CNOT6: variants seen among roughly 807,000 people sequenced by gnomAD.
CNOT6 encodes the protein CCR4-NOT transcription complex subunit 6, also known as carbon catabolite repression 4 protein.
Under a neutral mutation model 61.2 loss-of-function variants are expected in CNOT6, and 12 were observed. The ratio of observed to expected loss-of-function variants is 0.20; its 90% confidence interval spans 0.13 to 0.32. CNOT6 has a LOEUF of 0.32. Among genes scored for constraint, CNOT6 ranks in the 10% least tolerant of loss-of-function variants. The pLI is 1.00. For synonymous variants in CNOT6, 225 were observed against 240.6 expected (o/e 0.94, Z 0.60); for missense variants, 405 against 663.9 (o/e 0.61, Z 4.28).
At chr5:180,517,789 G>A (rs1757709779) in intron 1 of CNOT6, among the ~76,000 whole-genome samples, 2 of 152,028 alleles carry the variant, frequency 1.3e-5, no homozygotes, top group South Asian at 4.2e-4. Flanking sequence ...TGATCCGCCC[G>A]CCTCGGCCTC....
intron 1 of CNOT6, among the ~76,000 whole-genome samples, chr5:180,518,991 C>A (rs996920577): frequency 6.6e-6 from 1 of 152,154 alleles, no homozygotes; most frequent in African/African-American, 2.4e-5. Flanking sequence ...GGATTACAGG[C>A]GTGAGCCATA....
At chr5:180,513,521 G>A (rs1172665432) in intron 1 of CNOT6, among the ~76,000 whole-genome samples, 1 of 150,380 alleles carries the variant, frequency 6.6e-6, no homozygotes, top group Non-Finnish European at 1.5e-5. Flanking sequence ...ATACAGTCGC[G>A]TGCCACCAGG....
intron 4 of CNOT6, among the ~76,000 whole-genome samples, chr5:180,554,853 T>TAGG (rs1759801150): frequency 6.6e-6 from 1 of 152,340 alleles, no homozygotes; most frequent in African/African-American, 2.4e-5. Flanking sequence ...AGACCCTCTT[T>TAGG]GTTCTTCCAG....
At chr5:180,542,341 C>T (rs1397580407) in intron 2 of CNOT6, among the ~76,000 whole-genome samples, 5 of 151,782 alleles carry the variant, frequency 3.3e-5, no homozygotes, top group Middle Eastern at 3.2e-3. Flanking sequence ...CTCGGCTCAC[C>T]GCAAGCTCTG....
At chr5:180,549,152 C>T (rs1431232358) in intron 2 of CNOT6, among the ~76,000 whole-genome samples, 8 of 152,150 alleles carry the variant, frequency 5.3e-5, no homozygotes, top group Admixed American at 5.2e-4. Context: ...CTAGGGTACT[C>T]AGTTCTTAAA....
chr5:180,542,229 T>C (rs1561650461), intron 2 of CNOT6, among the ~76,000 whole-genome samples: 1 of 149,398 alleles, frequency 6.7e-6, no homozygotes, highest in Non-Finnish European at 1.5e-5. Context: ...GAGGTTTTGC[T>C]GAGCTCGTCG....
intron 1 of CNOT6, among the ~76,000 whole-genome samples, chr5:180,522,056 G>A (rs1358916071): frequency 6.6e-6 from 1 of 152,190 alleles, no homozygotes; most frequent in African/African-American, 2.4e-5. Context: ...TATAGAACCA[G>A]TAATGGAATT....
chr5:180,501,985 A>C (rs750459985), intron 1 of CNOT6, among the ~76,000 whole-genome samples: 13 of 152,290 alleles, frequency 8.5e-5, no homozygotes, highest in Admixed American at 4.6e-4. Flanking sequence ...GATTGGGCGG[A>C]GGAGCAAATG....
chr5:180,522,289 T>A (rs1464342156), intron 1 of CNOT6, among the ~76,000 whole-genome samples: 2 of 152,098 alleles, frequency 1.3e-5, no homozygotes, highest in African/African-American at 2.4e-5. Flanking sequence ...TTTTGTATTT[T>A]TTTTTTGTAG....
chr5:180,569,222 C>T lies in CNOT6; in HGVS notation c.1140C>T (p.Leu380=), dbSNP rs376346658. The T allele has an allele frequency of 3.7e-4, 598 of 1,613,986 alleles. 2 individuals are homozygous for T. The highest frequency in any genetic ancestry group is 4.9e-4 in the Middle Eastern group (3 of 6,084). The change falls in exon 10 of 12, where the codon CTC becomes CTT. Residue 380 remains leucine (L), a synonymous_variant. Coordinates refer to ENST00000261951, the MANE Select transcript of CNOT6 (RefSeq NM_001370472.1). ...AGTTGGTACAAACTATGATGTTCCT[C>T]TCAGAAGTGAAGAACATTATTGATA... The part of the protein sequence containing the change: ...DVKLVQTMMF[L]SEVKNIIDKA...
chr5:180,544,462 T>TTG (rs1759206169), intron 2 of CNOT6, among the ~76,000 whole-genome samples: 1 of 152,206 alleles, frequency 6.6e-6, no homozygotes, highest in Non-Finnish European at 1.5e-5. Context: ...TATTCCAGAA[T>TTG]CGTGTGTGTG....
At chr5:180,544,492 C>T (rs1759207893) in intron 2 of CNOT6, among the ~76,000 whole-genome samples, 1 of 152,140 alleles carries the variant, frequency 6.6e-6, no homozygotes, top group Non-Finnish European at 1.5e-5. Flanking sequence ...CATCCGAGTT[C>T]TCCTTGTCTT....
intron 2 of CNOT6, among the ~76,000 whole-genome samples, chr5:180,531,803 C>G (rs10903259): frequency 0.019 from 2,882 of 152,250 alleles, 38 homozygotes; most frequent in Non-Finnish European, 0.027. Context: ...GCCAACATGG[C>G]GAAACCCCGT....
At chr5:180,533,807 T>C (rs1273568488) in intron 2 of CNOT6, among the ~76,000 whole-genome samples, 4 of 152,178 alleles carry the variant, frequency 2.6e-5, no homozygotes, top group Non-Finnish European at 5.9e-5. Flanking sequence ...ATCTGTTTAT[T>C]ATTTATTTAT....
intron 10 of CNOT6, 73 bp from the exon 11 acceptor site, chr5:180,571,157 C>G: frequency 9.5e-7 from 1 of 1,056,196 alleles, no homozygotes; most frequent in Non-Finnish European, 1.4e-6. Flanking sequence ...TTTAAAACTT[C>G]TTACTATTGC....
At chr5:180,494,982 G>T (rs1219189781) in intron 1 of CNOT6, among the ~76,000 whole-genome samples, 3 of 151,504 alleles carry the variant, frequency 2.0e-5, no homozygotes, top group African/African-American at 7.3e-5. Context: ...TGGGAGGGGG[G>T]CGTTGATTGA....
At chr5:180,498,851 G>A (rs139749213) in intron 1 of CNOT6, among the ~76,000 whole-genome samples, 34 of 152,274 alleles carry the variant, frequency 2.2e-4, no homozygotes, top group Admixed American at 2.0e-3. Flanking sequence ...GTGCGGTGGC[G>A]CGATCTCGGC....
At chr5:180,502,898 A>G (rs1214387574) in intron 1 of CNOT6, among the ~76,000 whole-genome samples, 1 of 152,250 alleles carries the variant, frequency 6.6e-6, no homozygotes, top group Non-Finnish European at 1.5e-5. Context: ...AGCATCATAA[A>G]ACAATATTTG....
chr5:180,542,565 G>A (rs917309816), intron 2 of CNOT6, among the ~76,000 whole-genome samples: 2 of 152,070 alleles, frequency 1.3e-5, no homozygotes, highest in South Asian at 2.1e-4. Flanking sequence ...GCACCCGGCC[G>A]CTTGTTAGTT....
Sources: allele counts gnomAD v4.1 joint callset (sites outside exome capture counted in the v4.1 genomes callset), GRCh38; gene constraint gnomAD v4.1.1; transcripts MANE v1.5; gene names NCBI Gene and HGNC (gene_info 2026-07-23, HGNC 2026-07-21).